MRTFB: variants seen among roughly 807,000 people sequenced by gnomAD.
MRTFB encodes myocardin-related transcription factor B.
MRTFB carries 29 observed loss-of-function variants against 104.2 expected under a neutral mutation model. That is an observed-to-expected ratio of 0.28 (90% CI 0.21 to 0.38). The LOEUF is 0.38. MRTFB is among the 10% of genes least tolerant of loss of function. The probability of loss-of-function intolerance (pLI) is 1.00; values close to 1 mark genes in which losing one functional copy is unlikely to be tolerated. For synonymous variants in MRTFB, 535 were observed against 519.5 expected (o/e 1.03, Z -0.41); for missense variants, 1,270 against 1,341.6 (o/e 0.95, Z 0.83).
At chr16:14,168,171 C>G (rs2039310412) in intron 3 of MRTFB, among the ~76,000 whole-genome samples, 1 of 151,626 alleles carries the variant, frequency 6.6e-6, no homozygotes, top group South Asian at 2.1e-4. Flanking sequence ...CTTCTGAGTT[C>G]TGTATTCTGT....
the MRTFB span, among the ~76,000 whole-genome samples, chr16:14,023,124 C>T: frequency 6.6e-6 from 1 of 152,100 alleles, no homozygotes; most frequent in African/African-American, 2.4e-5. Flanking sequence ...CAGCTATTAA[C>T]CCGCAGAGCT....
chr16:14,034,026 T>A, the MRTFB span, among the ~76,000 whole-genome samples: 1 of 152,126 alleles, frequency 6.6e-6, no homozygotes, highest in African/African-American at 2.4e-5. Flanking sequence ...CTTGGCATCA[T>A]CAGGTTGTCC....
chr16:14,135,784 A>T (rs907167136), intron 2 of MRTFB, among the ~76,000 whole-genome samples: 1 of 152,272 alleles, frequency 6.6e-6, no homozygotes, highest in Admixed American at 6.5e-5. Context: ...GCTTTACTGC[A>T]CCAGCCTTAT....
At chr16:14,223,348 A>G (rs137877525) in intron 8 of MRTFB, among the ~76,000 whole-genome samples, 277 of 152,196 alleles carry the variant, frequency 1.8e-3, no homozygotes, top group African/African-American at 6.2e-3. Flanking sequence ...ATGACCATTC[A>G]GGGAACAAAA....
At chr16:14,064,972 TA>T in the MRTFB span, among the ~76,000 whole-genome samples, 1 of 152,234 alleles carries the variant, frequency 6.6e-6, no homozygotes, top group East Asian at 1.9e-4. Flanking sequence ...AATTTTAGAA[TA>T]GTTTTTTCTA....
intron 2 of MRTFB, among the ~76,000 whole-genome samples, chr16:14,104,779 C>G (rs2035885419): frequency 6.6e-6 from 1 of 152,212 alleles, no homozygotes; most frequent in Admixed American, 6.5e-5. Context: ...GTAGGCACCG[C>G]AGTCCATTTT....
intron 15 of MRTFB, among the ~76,000 whole-genome samples, chr16:14,254,153 A>G (rs2043377751): frequency 6.6e-6 from 1 of 152,188 alleles, no homozygotes; most frequent in South Asian, 2.1e-4. Flanking sequence ...GGTTATTCAA[A>G]TGAGTAGCCA....
chr16:14,104,155 G>C (rs538446314), intron 2 of MRTFB, among the ~76,000 whole-genome samples: 7 of 152,288 alleles, frequency 4.6e-5, no homozygotes, highest in Admixed American at 3.3e-4. Context: ...TAGAGTGGAG[G>C]GTGTGTTTAG....
chr16:14,054,474 T>C, the MRTFB span, among the ~76,000 whole-genome samples: 50,971 of 152,022 alleles, frequency 0.34, 11,480 homozygotes, highest in African/African-American at 0.64. Context: ...TCCTCAGCCT[T>C]CCAAAGTGCT....
chr16:14,153,958 C>T (rs1029834600), intron 3 of MRTFB, among the ~76,000 whole-genome samples: 4 of 152,190 alleles, frequency 2.6e-5, no homozygotes, highest in Non-Finnish European at 1.5e-5. Context: ...AATAGCCCCT[C>T]TAAGTATCAT....
At position 14,194,148 on chromosome 16, in the gene MRTFB, A is replaced by C. The variant is rs187674976; in HGVS notation, c.155-16095A>C. Among the ~76,000 whole-genome samples, 392 of 152,336 alleles carry C rather than the reference A, an allele frequency of 2.6e-3. 5 individuals carry two copies. The highest frequency in any genetic ancestry group is 2.8e-4 in the Non-Finnish European group (19 of 68,040). ...TTAGCAGGCATCAGAATGGCAAAGA[A>C]GATCTTAACATTTCTTTGTGTCTTC... On this transcript the variant is annotated intron_variant, in intron 3 of 16. Coordinates refer to ENST00000571589, the MANE Select transcript of MRTFB (RefSeq NM_001308142.2).
chr16:13,996,314 C>G, the MRTFB span, among the ~76,000 whole-genome samples: 3 of 151,750 alleles, frequency 2.0e-5, no homozygotes, highest in South Asian at 2.1e-4. Context: ...AGAAGGTAAC[C>G]AGGCTTCTCT....
intron 2 of MRTFB, chr16:14,092,652 T>C (rs1167987219): frequency 6.6e-6 from 1 of 152,202 alleles, no homozygotes; most frequent in Non-Finnish European, 1.5e-5. Flanking sequence ...ATAAAGGTGA[T>C]AAAGACAGAT....
At chr16:14,162,975 GTCTA>G (rs1020481012) in intron 3 of MRTFB, among the ~76,000 whole-genome samples, 72 of 152,088 alleles carry the variant, frequency 4.7e-4, no homozygotes, top group Admixed American at 1.4e-3. Flanking sequence ...GTTCTTGTTT[GTCTA>G]TCTTTTTGTC....
the MRTFB span, among the ~76,000 whole-genome samples, chr16:14,023,673 G>GTA: frequency 1.9e-3 from 262 of 140,832 alleles, 2 homozygotes; most frequent in African/African-American, 6.4e-3. Context: ...GTGTGTGTGT[G>GTA]TGTCTATATA....
the MRTFB span, among the ~76,000 whole-genome samples, chr16:14,028,214 C>CAAAACAAAACAAAACAAAAG: frequency 6.6e-6 from 1 of 151,930 alleles, no homozygotes; most frequent in Non-Finnish European, 1.5e-5. Flanking sequence ...CACAACAAAA[C>CAAAACAAAACAAAACAAAAG]AAAACAAAAC....
At chr16:14,119,691 T>G (rs982328337) in intron 2 of MRTFB, among the ~76,000 whole-genome samples, 5 of 152,228 alleles carry the variant, frequency 3.3e-5, no homozygotes, top group African/African-American at 1.2e-4. Context: ...CTGGTCTGTT[T>G]TAAACTTATT....
At chr16:14,235,925 A>G (rs1345294067) in intron 9 of MRTFB, among the ~76,000 whole-genome samples, 1 of 152,188 alleles carries the variant, frequency 6.6e-6, no homozygotes, top group African/African-American at 2.4e-5. Context: ...TCACGCCTGT[A>G]ATCCCTGCAC....
the MRTFB span, among the ~76,000 whole-genome samples, chr16:14,017,629 A>G: frequency 8.1e-4 from 35 of 43,096 alleles, 1 homozygote; most frequent in South Asian, 2.0e-3. Flanking sequence ...ATATATATAT[A>G]TATATATATA....
Sources: gnomAD v4.1 joint callset for allele counts (sites outside exome capture counted in the v4.1 genomes callset) on GRCh38, gnomAD v4.1.1 for gene constraint, MANE v1.5 for transcripts, NCBI Gene and HGNC (gene_info 2026-07-23, HGNC 2026-07-21) for gene names.